MOXD1: variants seen among roughly 807,000 people sequenced by gnomAD.
The protein encoded by MOXD1 is DBH-like monooxygenase protein 1.
A neutral mutation model predicts 66.6 loss-of-function variants in MOXD1; 62 were observed. That is an observed-to-expected ratio of 0.93 (90% CI 0.76 to 1.15). The LOEUF (loss-of-function observed/expected upper bound fraction) is 1.15. Among genes scored for constraint, MOXD1 ranks in the 50% most tolerant of loss-of-function variants. MOXD1 has a pLI of 0.00. For synonymous variants in MOXD1, 303 were observed against 281.9 expected, an observed-to-expected ratio of 1.07 and a Z score of -0.75; for missense variants, 847 against 754.6, an observed-to-expected ratio of 1.12 and a Z score of -1.44.
chr6:132,391,939 T>G, intron 1 of MOXD1: 1 of 388,538 alleles, frequency 2.6e-6, no homozygotes, highest in Non-Finnish European at 4.6e-6. Context: ...CATGTGTCCT[T>G]ATTACTAATG....
chr6:132,353,685 C>G (rs906165285), intron 4 of MOXD1, among the ~76,000 whole-genome samples: 1 of 152,064 alleles, frequency 6.6e-6, no homozygotes, highest in Non-Finnish European at 1.5e-5. Flanking sequence ...CTTCTTTGTG[C>G]TTCTTGTATT....
intron 10 of MOXD1, among the ~76,000 whole-genome samples, chr6:132,305,567 C>A (rs1237925355): frequency 1.3e-5 from 2 of 152,152 alleles, no homozygotes; most frequent in African/African-American, 2.4e-5. Flanking sequence ...TGGGTGAGAC[C>A]CTTCAATAGG....
intron 1 of MOXD1, among the ~76,000 whole-genome samples, chr6:132,389,448 A>G (rs893999781): frequency 7.9e-5 from 12 of 151,426 alleles, no homozygotes; most frequent in East Asian, 3.9e-4. Context: ...CCTGATTCCT[A>G]TCAAACAACC....
intron 1 of MOXD1, among the ~76,000 whole-genome samples, chr6:132,390,134 A>C (rs1776728496): frequency 6.6e-6 from 1 of 151,502 alleles, no homozygotes; most frequent in African/African-American, 2.4e-5. Flanking sequence ...AGCTTACTAA[A>C]CATCTGTGTA....
In MOXD1 at chr6:132,340,641, T is replaced by C. The variant is rs866481914; in HGVS notation, c.664-12047A>G. ...ACATGCTAAAACAACAAGACTCATT[T>C]TTTTTTTTTTTTTTTTTTTTTTTGA... is the stretch of plus-strand genomic sequence containing the variant. On this transcript the variant is annotated intron_variant, in intron 4 of 11. Coordinates refer to ENST00000367963, the MANE Select transcript of MOXD1 (RefSeq NM_015529.4). Among the ~76,000 whole-genome samples, 74 of 74,614 alleles carry C rather than the reference T, an allele frequency of 9.9e-4. 10 individuals are homozygous for C. Among genetic ancestry groups the C allele is most frequent in the African/African-American group, 5.8e-3 (62 of 10,780 alleles). 48.9% of individuals were successfully genotyped at this position (74,614 alleles called of 152,430 possible). A position where few individuals can be genotyped will look rare whatever the true frequency, so the allele number is the denominator to read the frequency against.
chr6:132,297,847 C>T lies in MOXD1; in HGVS notation c.1617G>A (p.Lys539=), dbSNP rs150654893. ...WTKKEGLSFN[K]LVLSLPVNVR... is the part of the protein sequence containing the mutation. The stretch of plus-strand genomic sequence containing the variant: ...CATTCACTGGCAGGCTGAGGACCAG[C>T]TTGTTGAAGGAGAGACCTTCCTTTT... The change falls in exon 11 of 12, where the codon AAG becomes AAA. Residue 539 remains lysine, a synonymous_variant. Coordinates refer to ENST00000367963, the MANE Select transcript of MOXD1 (RefSeq NM_015529.4). The T allele has an allele frequency of 9.9e-6, 16 of 1,613,394 alleles. No homozygotes were observed. The African/African-American group carries it at 1.7e-4, about 17-fold the overall frequency.
chr6:132,321,754 G>A (rs1392609858), intron 8 of MOXD1, among the ~76,000 whole-genome samples: 1 of 152,158 alleles, frequency 6.6e-6, no homozygotes, highest in Non-Finnish European at 1.5e-5. Context: ...ATAAAATAGA[G>A]TGTAGTCCTT....
At chr6:132,378,861 A>ACAGAACACT (rs1203988622) in intron 1 of MOXD1, among the ~76,000 whole-genome samples, 1 of 141,964 alleles carries the variant, frequency 7.0e-6, no homozygotes, top group Non-Finnish European at 1.5e-5. Context: ...ATGAAAGAGG[A>ACAGAACACT]CAGAACACTT....
At chr6:132,301,370 T>A (rs911774140) in intron 10 of MOXD1, among the ~76,000 whole-genome samples, 2 of 152,128 alleles carry the variant, frequency 1.3e-5, no homozygotes, top group Non-Finnish European at 1.5e-5. Context: ...AGTAATTTTT[T>A]AAATTTTTAA....
At chr6:132,302,718 T>C (rs913100394) in intron 10 of MOXD1, among the ~76,000 whole-genome samples, 3 of 152,086 alleles carry the variant, frequency 2.0e-5, no homozygotes, top group Admixed American at 2.0e-4. Context: ...TTTAAATATA[T>C]GTATGAAAAT....
At chr6:132,345,097 G>A (rs1297706288) in intron 4 of MOXD1, among the ~76,000 whole-genome samples, 20 of 152,094 alleles carry the variant, frequency 1.3e-4, no homozygotes, top group Non-Finnish European at 8.8e-5. Flanking sequence ...AGGTTCCATC[G>A]GCCACAGAAT....
chr6:132,339,423 G>A (rs1045072252), intron 4 of MOXD1, among the ~76,000 whole-genome samples: 1 of 152,150 alleles, frequency 6.6e-6, no homozygotes, highest in South Asian at 2.1e-4. Flanking sequence ...TGTGCTCTTC[G>A]TTAGGTGCTG....
At chr6:132,340,826 T>G (rs1302851551) in intron 4 of MOXD1, among the ~76,000 whole-genome samples, 2 of 151,980 alleles carry the variant, frequency 1.3e-5, no homozygotes, top group Non-Finnish European at 2.9e-5. Flanking sequence ...TTTTGTATTT[T>G]TAGTAGAGAC....
At chr6:132,375,982 T>C (rs1353206372) in intron 1 of MOXD1, among the ~76,000 whole-genome samples, 1 of 152,188 alleles carries the variant, frequency 6.6e-6, no homozygotes, top group Non-Finnish European at 1.5e-5. Context: ...TCGATACATA[T>C]TTTCTTTTTT....
chr6:132,373,544 T>A (rs192801679), intron 2 of MOXD1, among the ~76,000 whole-genome samples: 285 of 152,366 alleles, frequency 1.9e-3, no homozygotes, highest in African/African-American at 6.4e-3. Context: ...TCTGAGTTTT[T>A]AAATCATACT....
At chr6:132,334,377 C>T (rs1406053785) in intron 4 of MOXD1, among the ~76,000 whole-genome samples, 3 of 152,304 alleles carry the variant, frequency 2.0e-5, no homozygotes, top group East Asian at 1.9e-4. Flanking sequence ...CTCTTTCACA[C>T]TTTTCCAGTT....
chr6:132,396,753 T>C (rs1325082976), intron 1 of MOXD1, among the ~76,000 whole-genome samples: 2 of 151,916 alleles, frequency 1.3e-5, no homozygotes, highest in Non-Finnish European at 1.5e-5. Flanking sequence ...AACAATACAC[T>C]CACAAACTAG....
At chr6:132,320,735 T>G in intron 8 of MOXD1, 47 bp from the exon 9 acceptor site, 1 of 1,471,186 alleles carries the variant, frequency 6.8e-7, no homozygotes, top group Non-Finnish European at 9.4e-7. Flanking sequence ...TTATGCTGGC[T>G]TATTTATCAA....
intron 4 of MOXD1, among the ~76,000 whole-genome samples, chr6:132,353,429 T>C (rs1775843878): frequency 6.6e-6 from 1 of 152,214 alleles, no homozygotes; most frequent in Non-Finnish European, 1.5e-5. Flanking sequence ...ATGCTCAGTT[T>C]CACTGGATAC....
Sources: gnomAD v4.1 joint callset for allele counts (sites outside exome capture counted in the v4.1 genomes callset) on GRCh38, gnomAD v4.1.1 for gene constraint, MANE v1.5 for transcripts, NCBI Gene and HGNC (gene_info 2026-07-23, HGNC 2026-07-21) for gene names.